Variants in LPAR1 observed in about 807,000 individuals in gnomAD.
The protein encoded by LPAR1 is lysophosphatidic acid receptor 1.
A neutral mutation model predicts 23.8 loss-of-function variants in LPAR1; 5 were observed. The ratio of observed to expected loss-of-function variants is 0.21; its 90% CI spans 0.11 to 0.44. LPAR1 has a LOEUF of 0.44. Among genes scored for constraint, LPAR1 ranks in the 20% least tolerant of loss-of-function variants. The pLI, the probability that LPAR1 is intolerant of heterozygous loss-of-function variation, is 0.99. For missense variants in LPAR1, 311 were observed against 482.8 expected, an observed-to-expected ratio of 0.64 and a Z score of 3.33; for synonymous variants, 160 against 164.7, an observed-to-expected ratio of 0.97 and a Z score of 0.22.
intron 2 of LPAR1, among the ~76,000 whole-genome samples, chr9:111,010,026 T>TCC (rs2097302309): frequency 1.6e-5 from 1 of 62,366 alleles, no homozygotes; most frequent in African/African-American, 5.2e-5. Flanking sequence ...TATATATATA[T>TCC]ATATATATAT....
chr9:110,884,536 TA>T (rs533603347), intron 5 of LPAR1, among the ~76,000 whole-genome samples: 2 of 151,980 alleles, frequency 1.3e-5, no homozygotes, highest in African/African-American at 4.8e-5. Flanking sequence ...GTTGAATGAA[TA>T]AAAAAAATAA....
In LPAR1 at chr9:110,941,707, C is replaced by A; in HGVS notation, c.507G>T (p.Val169=). ...MSNRRVVVVI[V]VIWTMAIVMG... is the part of the protein sequence containing the mutation. ...TAACGATGGCCATAGTCCAGATGAC[C>A]ACAATGACCACCACTACCCGCCGGT... The change falls in exon 5 of 6, where the codon GTG becomes GTT. Residue 169 remains valine, a synonymous_variant. Coordinates refer to ENST00000683809, the MANE Select transcript of LPAR1 (RefSeq NM_001351411.2). The surrounding 1 kb of genome is among the most constrained non-coding windows in gnomAD (Gnocchi z 6.1). The A allele has an allele frequency of 1.2e-6, 2 of 1,614,158 alleles. No homozygotes were observed. The highest frequency in any genetic ancestry group is 1.7e-6 in the Non-Finnish European group (2 of 1,180,016).
chr9:110,930,806 C>T (rs549922054), intron 5 of LPAR1, among the ~76,000 whole-genome samples: 1 of 151,688 alleles, frequency 6.6e-6, no homozygotes, highest in South Asian at 2.1e-4. Flanking sequence ...TCCCAGCTAC[C>T]CCGGAGGCTG....
intron 2 of LPAR1, among the ~76,000 whole-genome samples, chr9:111,014,480 T>C (rs964500286): frequency 6.6e-6 from 1 of 152,016 alleles, no homozygotes; most frequent in Non-Finnish European, 1.5e-5. Flanking sequence ...CAACCACCAC[T>C]TGAATGATCC....
chr9:110,987,719 G>A (rs72751804), intron 2 of LPAR1, among the ~76,000 whole-genome samples: 6,962 of 151,210 alleles, frequency 0.046, 233 homozygotes, highest in Non-Finnish European at 0.059. Flanking sequence ...TGTGGGGTTC[G>A]CATACCATGA....
In LPAR1 at chr9:110,942,004, G is replaced by A. The variant is rs753527125; in HGVS notation, c.210C>T (p.Val70=). The A allele has an allele frequency of 6.2e-7, 1 of 1,614,150 alleles. No homozygotes were observed. The highest frequency in any genetic ancestry group is 1.1e-5 in the South Asian group (1 of 91,076). The change falls in exon 5 of 6, where the codon GTC becomes GTT. Residue 70 remains valine, a synonymous_variant. Transcript: ENST00000683809. ...CIFIMLANLL[V]MVAIYVNRRF... ...GGCGGTTGACATAGATTGCCACCAT[G>A]ACCAATAGGTTGGCCAACATGATGA...
chr9:110,953,663 CA>C (rs35270504), intron 4 of LPAR1, among the ~76,000 whole-genome samples: 46,166 of 126,596 alleles, frequency 0.36, 7,959 homozygotes, highest in East Asian at 0.73. Flanking sequence ...AACTTGGTCT[CA>C]AAAAAAAAAA....
chr9:110,993,923 A>C (rs1206001282), intron 2 of LPAR1, among the ~76,000 whole-genome samples: 1 of 152,358 alleles, frequency 6.6e-6, no homozygotes, highest in South Asian at 2.1e-4. Flanking sequence ...AAGTTTGAAA[A>C]TGAAAAAGGA....
chr9:110,900,155 G>A (rs1220418058), intron 5 of LPAR1, among the ~76,000 whole-genome samples: 1 of 152,166 alleles, frequency 6.6e-6, no homozygotes, highest in Non-Finnish European at 1.5e-5. Context: ...GAAATCTGAT[G>A]TGAGTCCTTG....
intron 2 of LPAR1, among the ~76,000 whole-genome samples, chr9:110,977,021 G>A (rs1564224612): frequency 6.6e-6 from 1 of 152,086 alleles, no homozygotes; most frequent in Non-Finnish European, 1.5e-5. Flanking sequence ...ATCAGCCCTG[G>A]AAACTATAAA....
intron 5 of LPAR1, among the ~76,000 whole-genome samples, chr9:110,912,114 A>G (rs899489928): frequency 6.6e-6 from 1 of 152,242 alleles, no homozygotes; most frequent in Non-Finnish European, 1.5e-5. Context: ...CACAGTATCA[A>G]TGCAGAAACA....
chr9:110,951,485 T>G lies in LPAR1; in HGVS notation c.46-9317A>C, dbSNP rs72607185. On this transcript the variant is annotated intron_variant, in intron 4 of 5. Coordinates refer to ENST00000683809, the MANE Select transcript of LPAR1 (RefSeq NM_001351411.2). The stretch of plus-strand genomic sequence containing the variant: ...ACAGAAAAAGGGGCACCGATGTGGA[T>G]AGGCAATTCACAGAAGAGAAAACCT... 0.032 allele frequency among the ~76,000 whole-genome samples: 4,936 copies of G among 152,222 alleles called. 956 individuals are homozygous for G. The East Asian group carries it at 0.57, about 18-fold the overall frequency.
chr9:110,937,220 C>A (rs1264970074), intron 5 of LPAR1, among the ~76,000 whole-genome samples: 1 of 152,230 alleles, frequency 6.6e-6, no homozygotes, highest in Non-Finnish European at 1.5e-5. Flanking sequence ...GCCCAGTCAG[C>A]ACAGCTAGGC....
intron 5 of LPAR1, among the ~76,000 whole-genome samples, chr9:110,890,312 C>G (rs573517184): frequency 1.1e-4 from 17 of 152,248 alleles, no homozygotes; most frequent in Non-Finnish European, 2.2e-4. Context: ...CTTCACCCCC[C>G]TCAAAAGGCA....
At chr9:111,038,666 C>G (rs1345021143), upstream of LPAR1, 1 of 454,908 alleles carries the variant, frequency 2.2e-6, no homozygotes, top group African/African-American at 2.0e-5. This position sits in a 1 kb window ranked among gnomAD's most constrained non-coding sequence, Gnocchi z 4.4. Context: ...TGTGGCGCCC[C>G]CAGCGCCCCT....
chr9:110,972,361 A>G (rs1294056022), intron 3 of LPAR1, 141 bp from the exon 4 acceptor site: 2 of 509,290 alleles, frequency 3.9e-6, no homozygotes, highest in African/African-American at 3.9e-5. Flanking sequence ...CCGGTAGGGA[A>G]AAGCTAAGGT....
intron 5 of LPAR1, among the ~76,000 whole-genome samples, chr9:110,890,490 C>A (rs577650521): frequency 7.9e-5 from 12 of 152,220 alleles, no homozygotes; most frequent in East Asian, 1.9e-4. Flanking sequence ...ATCTCCCCCC[C>A]ACAAAACTAC....
At chr9:110,974,283 C>G (rs984246593) in intron 2 of LPAR1, among the ~76,000 whole-genome samples, 3 of 152,156 alleles carry the variant, frequency 2.0e-5, no homozygotes, top group Non-Finnish European at 4.4e-5. Context: ...GGAAATGATA[C>G]TTTTCATAAT....
rs528107241 is a variant in LPAR1, at chr9:110,878,274, C to G, written c.794-2552G>C. Among the ~76,000 whole-genome samples, 4 of 152,178 alleles carry G rather than the reference C, an allele frequency of 2.6e-5. No individual in the cohort carries two copies. The South Asian group carries it at 8.3e-4, about 32-fold the overall frequency. On this transcript the variant is annotated intron_variant, in intron 5 of 5. Transcript: ENST00000683809. Reference sequence around the variant, plus strand: ...CCAATCATATGGAAATTCTGCGCCCCCCTCCCCCTCCTTTCTATTTCACAG... The same window carrying G: ...CCAATCATATGGAAATTCTGCGCCCGCCTCCCCCTCCTTTCTATTTCACAG...
Sources: allele counts gnomAD v4.1 joint callset (sites outside exome capture counted in the v4.1 genomes callset), GRCh38; gene constraint gnomAD v4.1.1; non-coding constraint Gnocchi (gnomAD v3.1); transcripts MANE v1.5; gene names NCBI Gene and HGNC (gene_info 2026-07-23, HGNC 2026-07-21).